AXDND1: variants seen among roughly 807,000 people sequenced by gnomAD.
AXDND1 encodes the protein axonemal dynein light chain domain containing 1, also known as axonemal dynein light chain domain-containing protein 1.
Under a neutral mutation model 137.5 loss-of-function variants are expected in AXDND1, and 110 were observed. That is an observed-to-expected ratio of 0.80 (90% CI 0.69 to 0.94). The LOEUF (loss-of-function observed/expected upper bound fraction) is 0.94. AXDND1 is among the 40% of genes least tolerant of loss of function. The probability of loss-of-function intolerance (pLI) is 0.00; values close to 1 mark genes in which losing one functional copy is unlikely to be tolerated. For synonymous variants in AXDND1, 414 were observed against 399.7 expected, an observed-to-expected ratio of 1.04 and a Z score of -0.43; for missense variants, 1,191 against 1,169.8, an observed-to-expected ratio of 1.02 and a Z score of -0.26.
chr1:179,460,026 T>G (rs1443242773), intron 16 of AXDND1, among the ~76,000 whole-genome samples: 1 of 150,878 alleles, frequency 6.6e-6, no homozygotes, highest in South Asian at 2.1e-4. Flanking sequence ...CCTTCCTTCT[T>G]TCATTTCTTT....
At chr1:179,499,565 C>T (rs1407097924) in intron 20 of AXDND1, among the ~76,000 whole-genome samples, 1 of 151,938 alleles carries the variant, frequency 6.6e-6, no homozygotes. Flanking sequence ...TAGATTGCAG[C>T]GATGGTTGCA....
At chr1:179,432,427 T>G in intron 15 of AXDND1, 85 bp downstream of exon 15, 1 of 1,314,136 alleles carries the variant, frequency 7.6e-7, no homozygotes, top group African/African-American at 2.5e-5. Flanking sequence ...GCACATCCCA[T>G]CCTTTTTTTT....
intron 20 of AXDND1, among the ~76,000 whole-genome samples, chr1:179,498,773 G>A (rs932951692): frequency 1.1e-4 from 16 of 152,006 alleles, no homozygotes; most frequent in Admixed American, 9.2e-4. Flanking sequence ...CAAAGGATAT[G>A]AACAGATATT....
At chr1:179,442,237 T>C (rs1022688963) in intron 15 of AXDND1, among the ~76,000 whole-genome samples, 3 of 152,202 alleles carry the variant, frequency 2.0e-5, no homozygotes, top group Non-Finnish European at 4.4e-5. Context: ...CCACTTTTTA[T>C]CCTCCCTCTC....
intron 25 of AXDND1, chr1:179,552,510 C>T (rs1049274598): frequency 1.0e-6 from 1 of 972,954 alleles, no homozygotes; most frequent in Non-Finnish European, 1.6e-6. Context: ...TGCCCAGTGC[C>T]TAATGAATGG....
chr1:179,373,397 C>G (rs891242367), intron 4 of AXDND1, among the ~76,000 whole-genome samples: 1 of 152,188 alleles, frequency 6.6e-6, no homozygotes, highest in Non-Finnish European at 1.5e-5. Flanking sequence ...AATGGCCATA[C>G]TGCCCAAGGT....
intron 23 of AXDND1, among the ~76,000 whole-genome samples, 163 bp from the exon 24 acceptor site, chr1:179,533,626 CTTTTTT>C (rs66461504): frequency 1.5e-5 from 2 of 136,230 alleles, no homozygotes; most frequent in Non-Finnish European, 1.6e-5. Flanking sequence ...GAGACAATCC[CTTTTTT>C]TTTTTTTTTT....
intron 17 of AXDND1, among the ~76,000 whole-genome samples, chr1:179,471,628 A>C (rs1663946096): frequency 6.6e-6 from 1 of 152,108 alleles, no homozygotes; most frequent in Admixed American, 6.5e-5. Flanking sequence ...ATGTTTGTTA[A>C]TATTGTTGAT....
intron 17 of AXDND1, among the ~76,000 whole-genome samples, chr1:179,469,955 G>T (rs913781670): frequency 6.6e-6 from 1 of 152,082 alleles, no homozygotes; most frequent in Admixed American, 6.5e-5. Context: ...TGTAGCATTT[G>T]CTCTCTTACA....
At chr1:179,419,475 G>A (rs1312320703) in intron 12 of AXDND1, among the ~76,000 whole-genome samples, 7 of 148,652 alleles carry the variant, frequency 4.7e-5, no homozygotes, top group South Asian at 2.2e-4. Context: ...CCAGTCAGGC[G>A]TGGCGGCGTG....
At position 179,435,053 on chromosome 1, in the gene AXDND1, C is replaced by T. The variant is rs116605533; in HGVS notation, c.1563+2711C>T. Among the ~76,000 whole-genome samples, 1,020 of 152,208 alleles carry T rather than the reference C, an allele frequency of 6.7e-3. 14 individuals carry two copies. Among genetic ancestry groups the T allele is most frequent in the African/African-American group, 0.023 (938 of 41,522 alleles). On this transcript the variant is annotated intron_variant, in intron 15 of 25. Coordinates refer to ENST00000367618, the MANE Select transcript of AXDND1 (RefSeq NM_144696.6). ...AGCATTTCTATGCACCAACAATATA[C>T]AAGCAGAGAGCCAAATCATGGATTA... is the stretch of plus-strand genomic sequence containing the variant.
chr1:179,550,796 G>GA, intron 25 of AXDND1: 1 of 309,026 alleles, frequency 3.2e-6, no homozygotes, highest in Non-Finnish European at 6.3e-6. Context: ...GTGCTTGTAG[G>GA]AAGGGCTGTG....
intron 11 of AXDND1, among the ~76,000 whole-genome samples, chr1:179,408,333 A>C (rs1653297215): frequency 6.6e-6 from 1 of 151,284 alleles, no homozygotes; most frequent in African/African-American, 2.4e-5. Context: ...TTACTTTGCT[A>C]TCTGTGCATC....
intron 21 of AXDND1, among the ~76,000 whole-genome samples, chr1:179,514,739 G>A (rs1572139152): frequency 6.6e-6 from 1 of 151,996 alleles, no homozygotes; most frequent in African/African-American, 2.4e-5. Context: ...TACAAATTTG[G>A]GAGCACCAGT....
At chr1:179,474,360 A>G (rs1664348408) in intron 17 of AXDND1, among the ~76,000 whole-genome samples, 1 of 152,224 alleles carries the variant, frequency 6.6e-6, no homozygotes, top group African/African-American at 2.4e-5. Flanking sequence ...GAACTGGATA[A>G]TGGGCAGAGG....
chr1:179,537,023 G>A (rs535894214), intron 25 of AXDND1, among the ~76,000 whole-genome samples: 1 of 152,302 alleles, frequency 6.6e-6, no homozygotes, highest in South Asian at 2.1e-4. Context: ...TGTTATTGGT[G>A]TATAGCATGG....
rs145412061 is a variant in AXDND1 at position 179,492,921 on chromosome 1, T to C, written c.2358T>C (p.Thr786=). The change falls in exon 20 of 26, where the codon ACT becomes ACC. Residue 786 remains threonine (T), a synonymous_variant. Transcript: ENST00000367618. ...CCACTAACTCACACAAAAATGCTAC[T>C]GAAGACCTTTATGAGGTGGATAAGT... ...SKSTNSHKNA[T]EDLYEVDKLK... is the part of the protein sequence containing the mutation. 8.1e-6 allele frequency: 13 copies of C among 1,611,042 alleles called. No homozygotes were observed. In the South Asian group the frequency reaches 1.4e-4, roughly 18 times the overall value.
At chr1:179,531,792 C>A (rs1359911524) in intron 23 of AXDND1, among the ~76,000 whole-genome samples, 1 of 152,006 alleles carries the variant, frequency 6.6e-6, no homozygotes, top group East Asian at 1.9e-4. Context: ...CCCAGGAGGA[C>A]CAAGCTAAAA....
In AXDND1 at chr1:179,411,138, T is replaced by C; in HGVS notation, c.1110-8T>C. The C allele has an allele frequency of 6.5e-7, 1 of 1,540,050 alleles. No homozygotes were observed. The highest frequency in any genetic ancestry group is 8.8e-7 in the Non-Finnish European group (1 of 1,141,040). On this transcript the variant is annotated splice_polypyrimidine_tract_variant and splice_region_variant and intron_variant, in intron 11 of 25. Coordinates refer to ENST00000367618, the MANE Select transcript of AXDND1 (RefSeq NM_144696.6). ...TTAAATGAAGCTGTTTCTTAATTGT[T>C]TTTATAGAATAGTAGAAGAATATCA...
Sources: gnomAD v4.1 joint callset for allele counts (sites outside exome capture counted in the v4.1 genomes callset) on GRCh38, gnomAD v4.1.1 for gene constraint, MANE v1.5 for transcripts, NCBI Gene and HGNC (gene_info 2026-07-23, HGNC 2026-07-21) for gene names.